Variants in RABGAP1 observed in about 807,000 individuals in gnomAD.
The protein encoded by RABGAP1 is rab GTPase-activating protein 1.
A neutral mutation model predicts 137.6 loss-of-function variants in RABGAP1; 23 were observed. The observed-to-expected ratio is 0.17, with a 90% CI of 0.12 to 0.24. The LOEUF (loss-of-function observed/expected upper bound fraction) is 0.24. RABGAP1 is among the 10% of genes least tolerant of loss of function. The pLI is 1.00. For missense variants in RABGAP1, 906 were observed against 1,275.8 expected (o/e 0.71, Z 4.42); for synonymous variants, 451 against 450.7 (o/e 1.00, Z -0.01).
At chr9:123,098,202 C>T (rs1278886954) in intron 22 of RABGAP1, among the ~76,000 whole-genome samples, 2 of 152,244 alleles carry the variant, frequency 1.3e-5, no homozygotes, top group Non-Finnish European at 2.9e-5. Flanking sequence ...CTTGGGAAGT[C>T]TTGTTCTGAG....
At chr9:123,012,659 A>T (rs1200805373) in intron 11 of RABGAP1, among the ~76,000 whole-genome samples, 1 of 152,238 alleles carries the variant, frequency 6.6e-6, no homozygotes, top group Non-Finnish European at 1.5e-5. Context: ...GGAACACTAG[A>T]ACATAAGCTC....
chr9:123,006,348 A>G (rs374995265), intron 10 of RABGAP1, among the ~76,000 whole-genome samples: 37 of 152,266 alleles, frequency 2.4e-4, no homozygotes, highest in African/African-American at 8.2e-4. Flanking sequence ...TAGATTTCTG[A>G]TTCATTAGTA....
rs2031157772 is a variant in RABGAP1 at position 123,015,471 on chromosome 9, T to G, written c.1550-72T>G. On this transcript the variant is annotated intron_variant, in intron 11 of 25. Coordinates refer to ENST00000373647, the MANE Select transcript of RABGAP1 (RefSeq NM_012197.4). Reference sequence around the variant, plus strand: ...CAGTAAAGTCTTTCAAATTTGACTCTTAACATTCCAGTGTTCTTCTGGCTA... The same window carrying G: ...CAGTAAAGTCTTTCAAATTTGACTCGTAACATTCCAGTGTTCTTCTGGCTA... 4 of 959,118 alleles carry G rather than the reference T, an allele frequency of 4.2e-6. No individual in the cohort carries two copies. The Admixed American group carries it at 7.4e-5, about 18-fold the overall frequency. The allele number at this position is 959,118 out of a possible 1,614,324, so 59.4% of individuals were successfully genotyped here.
chr9:122,986,980 T>TA (rs1175831517), intron 4 of RABGAP1, among the ~76,000 whole-genome samples: 3 of 151,768 alleles, frequency 2.0e-5, no homozygotes, highest in African/African-American at 7.3e-5. Context: ...GTACAAAACA[T>TA]ACAAAAATTA....
chr9:122,998,813 A>G, intron 10 of RABGAP1, 47 bp downstream of exon 10: 1 of 1,307,518 alleles, frequency 7.6e-7, no homozygotes, highest in Non-Finnish European at 1.0e-6. Context: ...AGAAAGGAGA[A>G]ATCACGTCTG....
chr9:123,047,960 C>T (rs1295146154), intron 13 of RABGAP1, among the ~76,000 whole-genome samples: 12 of 73,720 alleles, frequency 1.6e-4, no homozygotes, highest in Middle Eastern at 0.017. Context: ...TTTTTTGAGA[C>T]GGAGTCTTGC....
chr9:123,042,766 A>G (rs1206430394), intron 13 of RABGAP1, among the ~76,000 whole-genome samples: 1 of 152,224 alleles, frequency 6.6e-6, no homozygotes, highest in Non-Finnish European at 1.5e-5. Flanking sequence ...GGAAGAAATT[A>G]ATAAATATCA....
chr9:123,017,989 A>C (rs959336087), intron 12 of RABGAP1, among the ~76,000 whole-genome samples: 1 of 151,980 alleles, frequency 6.6e-6, no homozygotes, highest in South Asian at 2.1e-4. Flanking sequence ...TAATTCTCCA[A>C]GTTCATTTTT....
chr9:123,063,370 T>G (rs1375048888), intron 13 of RABGAP1: 2 of 152,712 alleles, frequency 1.3e-5, no homozygotes, highest in Non-Finnish European at 2.9e-5. Context: ...CTGTAAACAT[T>G]TGAGTTTAAG....
At position 122,997,353 on chromosome 9, in the gene RABGAP1, C is replaced by G; in HGVS notation, c.1196C>G (p.Thr399Ser). The G allele has an allele frequency of 6.3e-7, 1 of 1,599,578 alleles. No homozygotes were observed. The highest frequency in any genetic ancestry group is 8.6e-7 in the Non-Finnish European group (1 of 1,169,506). ...SPHFQVVNEE[T>S]PKDKVLFMTT... ...CATTTTCAAGTTGTAAATGAAGAAA[C>G]TCCTAAAGGTGATACAGATTGTTGA... Residue 399 changes from threonine to serine, a missense_variant, in exon 9 of 26, where the codon ACT becomes AGT. This residue lies in a region of RABGAP1 where 212 missense variants were observed against 289.4 expected (regional missense o/e 0.73). Coordinates refer to ENST00000373647, the MANE Select transcript of RABGAP1 (RefSeq NM_012197.4).
chr9:122,953,140 G>GC (rs1834339433), intron 1 of RABGAP1, among the ~76,000 whole-genome samples: 1 of 152,176 alleles, frequency 6.6e-6, no homozygotes, highest in Non-Finnish European at 1.5e-5. Flanking sequence ...GTAGACATAA[G>GC]CCAAGAAGTA....
At chr9:122,993,180 A>G (rs2131799669) in intron 6 of RABGAP1, among the ~76,000 whole-genome samples, 1 of 152,286 alleles carries the variant, frequency 6.6e-6, no homozygotes, top group Middle Eastern at 3.4e-3. Context: ...CACAAGATTT[A>G]CTGTGGTTTT....
intron 13 of RABGAP1, among the ~76,000 whole-genome samples, chr9:123,049,631 G>C (rs1336328785): frequency 6.6e-6 from 1 of 152,090 alleles, no homozygotes; most frequent in East Asian, 1.9e-4. Flanking sequence ...AATTTCATTT[G>C]GTTTAAATGT....
intron 19 of RABGAP1, among the ~76,000 whole-genome samples, chr9:123,080,970 T>C (rs979445519): frequency 6.6e-6 from 1 of 152,152 alleles, no homozygotes; most frequent in African/African-American, 2.4e-5. Flanking sequence ...CTTCTACCTC[T>C]GCCTCCTCCA....
chr9:123,055,477 C>T (rs2033653975), intron 13 of RABGAP1, among the ~76,000 whole-genome samples: 1 of 151,868 alleles, frequency 6.6e-6, no homozygotes, highest in South Asian at 2.1e-4. Flanking sequence ...CGCAGTCCTC[C>T]TGCCTTGGCT....
intron 10 of RABGAP1, among the ~76,000 whole-genome samples, chr9:123,002,888 C>G (rs16912455): frequency 0.067 from 10,124 of 152,104 alleles, 1,266 homozygotes; most frequent in East Asian, 0.54. Flanking sequence ...GCCGAGTTTT[C>G]ACTGTTTTCT....
At chr9:122,937,461 G>A (rs1588137839), upstream of RABGAP1, among the ~76,000 whole-genome samples, 3 of 152,082 alleles carry the variant, frequency 2.0e-5, no homozygotes, top group Non-Finnish European at 4.4e-5. Context: ...GCTGGGCATG[G>A]TGGCGTACGC....
rs1837009554 is a variant in RABGAP1 at position 122,996,116 on chromosome 9, G to A, written c.999G>A (p.Val333=). ...QGIDKKIVIY[V]QQTTNKELAI... Reference sequence around the variant, plus strand: ...TTGATAAGAAGATTGTCATCTATGTGCAGCAAACAACTAATAAAGAACTTG... The same window carrying A: ...TTGATAAGAAGATTGTCATCTATGTACAGCAAACAACTAATAAAGAACTTG... The change falls in exon 7 of 26, where the codon GTG becomes GTA. Residue 333 remains valine, a synonymous_variant. Transcript: ENST00000373647. 1 of 1,612,844 alleles carries A rather than the reference G, an allele frequency of 6.2e-7. No homozygotes were observed.
intron 1 of RABGAP1, among the ~76,000 whole-genome samples, chr9:122,941,332 T>G (rs1488331766): frequency 6.6e-6 from 1 of 152,240 alleles, no homozygotes; most frequent in Non-Finnish European, 1.5e-5. Context: ...TGGGAGCCCC[T>G]GCCCAAACCG....
Sources: allele counts gnomAD v4.1 joint callset (sites outside exome capture counted in the v4.1 genomes callset), GRCh38; gene constraint gnomAD v4.1.1; regional missense constraint gnomAD v4.1.1; transcripts MANE v1.5; gene names NCBI Gene and HGNC (gene_info 2026-07-23, HGNC 2026-07-21).